ARHGEF3: variants seen among roughly 807,000 people sequenced by gnomAD.
ARHGEF3 encodes the protein 59.8 kDA protein.
A neutral mutation model predicts 63.2 loss-of-function variants in ARHGEF3; 28 were observed. That is an observed-to-expected ratio of 0.44 (90% CI 0.33 to 0.61). ARHGEF3 has a LOEUF of 0.61. ARHGEF3 is among the 20% of genes least tolerant of loss of function. ARHGEF3 has a pLI of 0.03. For synonymous variants in ARHGEF3, 266 were observed against 254.2 expected (o/e 1.05, Z -0.44); for missense variants, 533 against 659.3 (o/e 0.81, Z 2.10).
intron 7 of ARHGEF3, 141 bp from the exon 8 acceptor site, chr3:56,737,496 A>AG (rs1428815439): frequency 2.0e-5 from 7 of 357,490 alleles, no homozygotes; most frequent in South Asian, 1.2e-4. Flanking sequence ...GGGAAAAGAG[A>AG]AAAAAAAAAA....
chr3:57,073,822 A>T, intron 1 of ARHGEF3: 1 of 1,614,208 alleles, frequency 6.2e-7, no homozygotes, highest in African/African-American at 1.3e-5. Flanking sequence ...TCCACCCAAC[A>T]TCCCAACAAA....
At chr3:56,837,125 A>G (rs1316171181) in intron 4 of ARHGEF3, among the ~76,000 whole-genome samples, 2 of 152,234 alleles carry the variant, frequency 1.3e-5, no homozygotes, top group Non-Finnish European at 2.9e-5. Context: ...GAAAGTGAAG[A>G]GTCAGGATCA....
At chr3:56,792,341 G>A (rs2037131752) in intron 1 of ARHGEF3, among the ~76,000 whole-genome samples, 1 of 152,074 alleles carries the variant, frequency 6.6e-6, no homozygotes, top group African/African-American at 2.4e-5. Context: ...TTTGTTCCAG[G>A]AACACTAGGG....
At chr3:56,798,537 GTTTTTTTTTTT>G in intron 1 of ARHGEF3, among the ~76,000 whole-genome samples, 1 of 139,256 alleles carries the variant, frequency 7.2e-6, no homozygotes, top group Non-Finnish European at 1.5e-5. Context: ...TCTTTACTTC[GTTTTTTTTTTT>G]TTTTTTTTTT....
chr3:56,827,141 C>T (rs2038747733), intron 4 of ARHGEF3, among the ~76,000 whole-genome samples: 1 of 152,126 alleles, frequency 6.6e-6, no homozygotes, highest in African/African-American at 2.4e-5. Flanking sequence ...ACTTTAAACA[C>T]TTTTACATGG....
chr3:56,898,627 T>A (rs2041392985), intron 3 of ARHGEF3: 1 of 273,380 alleles, frequency 3.7e-6, no homozygotes, highest in Middle Eastern at 4.3e-4. Flanking sequence ...TCTGGGGTGA[T>A]CCCTGGAAGA....
Position 56,737,294 on chromosome 3 carries a change from C to T in ARHGEF3, c.932G>A (p.Arg311His), listed in dbSNP as rs766185213. The T allele has an allele frequency of 7.4e-6, 12 of 1,613,432 alleles. No individual in the cohort carries two copies. Among genetic ancestry groups the T allele is most frequent in the Admixed American group, 1.7e-5 (1 of 59,988 alleles). ...GTAAAGAAGCCGCTCTTTATAATAG[C>T]GGCATTCAGATTCACCAGTCTTGGT... ...INTKTGESEC[R>H]YYKERLLYLE... The change falls in exon 8 of 10, where the codon CGC (arginine) becomes CAC (histidine). Residue 311 changes from arginine to histidine, a missense_variant. By Grantham distance (29) the Arg-to-His change is conservative. Around this residue, in one of 4 missense-constraint regions of ARHGEF3, gnomAD observed 151 missense variants for 190.7 expected, o/e 0.79. Coordinates refer to ENST00000296315, the MANE Select transcript of ARHGEF3 (RefSeq NM_019555.3).
intron 1 of ARHGEF3, among the ~76,000 whole-genome samples, chr3:57,050,465 C>G (rs1333898297): frequency 2.0e-5 from 3 of 151,758 alleles, no homozygotes; most frequent in African/African-American, 7.3e-5. Flanking sequence ...GCACACAGTA[C>G]AGGGGTAGTG....
chr3:56,920,530 G>A (rs1243323344), intron 3 of ARHGEF3, among the ~76,000 whole-genome samples: 1 of 152,160 alleles, frequency 6.6e-6, no homozygotes, highest in Non-Finnish European at 1.5e-5. Context: ...AAAATATTTA[G>A]ATTTTAGCAG....
intron 3 of ARHGEF3, among the ~76,000 whole-genome samples, chr3:56,932,817 C>A (rs558032554): frequency 6.6e-6 from 1 of 152,198 alleles, no homozygotes; most frequent in Non-Finnish European, 1.5e-5. Context: ...ACTTAAAATG[C>A]TAATTCTGAA....
intron 2 of ARHGEF3, among the ~76,000 whole-genome samples, chr3:56,967,568 A>ATATATATTATACATAATATATTTAAT (rs1560092296): frequency 1.1e-5 from 1 of 91,066 alleles, no homozygotes; most frequent in African/African-American, 4.5e-5. Context: ...ATAATATATA[A>ATATATATTATACATAATATATTTAAT]TATATATTAT....
chr3:56,982,563 C>T (rs1043775410), intron 2 of ARHGEF3, among the ~76,000 whole-genome samples: 11 of 152,134 alleles, frequency 7.2e-5, no homozygotes, highest in African/African-American at 1.7e-4. Context: ...TCAGACCTAC[C>T]CTATGTCTTA....
In ARHGEF3 at chr3:57,056,047, G is replaced by GC. The variant is rs139065960; in HGVS notation, c.-27-20872dup. On this transcript the variant is annotated intron_variant, in intron 1 of 12. Coordinates refer to the ARHGEF3 transcript ENST00000338458. ...AGGCCACAGAATATGAGCAGACATA[G>GC]CCCCTACTGTCACCATGCTCACAGC... Among the ~76,000 whole-genome samples, 1,059 of 152,218 alleles carry GC rather than the reference G, an allele frequency of 7.0e-3. 7 individuals carry two copies. Among genetic ancestry groups the GC allele is most frequent in the African/African-American group, 0.024 (1,001 of 41,526 alleles).
chr3:57,064,796 G>C (rs1025985844), intron 1 of ARHGEF3, among the ~76,000 whole-genome samples: 12 of 152,160 alleles, frequency 7.9e-5, no homozygotes, highest in Non-Finnish European at 1.2e-4. Flanking sequence ...GGGGGGAATG[G>C]GAGTTGCTGT....
At chr3:56,941,874 T>C (rs1401164406) in intron 3 of ARHGEF3, among the ~76,000 whole-genome samples, 1 of 152,246 alleles carries the variant, frequency 6.6e-6, no homozygotes. Flanking sequence ...CCTATAAATA[T>C]ATGCTTTACA....
chr3:56,935,803 A>C (rs1698874233), intron 3 of ARHGEF3, among the ~76,000 whole-genome samples: 1 of 152,214 alleles, frequency 6.6e-6, no homozygotes, highest in Non-Finnish European at 1.5e-5. Context: ...GAAGTCAGTG[A>C]GACCAAGAAC....
rs147377987 is a variant in ARHGEF3 at position 56,755,056 on chromosome 3, A to C, written c.300T>G (p.Asp100Glu). 6.2e-7 allele frequency: 1 copy of C among 1,614,100 alleles called. No individual in the cohort carries two copies. Among genetic ancestry groups the C allele is most frequent in the South Asian group, 1.1e-5 (1 of 91,082 alleles). Residue 100 changes from aspartate to glutamate, a missense_variant, in exon 3 of 10, where the codon GAT (aspartate) becomes GAG (glutamate). Asp to Glu is a conservative substitution (Grantham distance 45). Transcript: ENST00000296315. ...CGAAGGTCTCACTCCACAGCTTGCTATCTCTCCGTTTCGTGCTCGAGGGGG... is the reference window on the plus strand; with the variant it reads ...CGAAGGTCTCACTCCACAGCTTGCTCTCTCTCCGTTTCGTGCTCGAGGGGG... ...NAAPSSTKRR[D>E]SKLWSETFDV...
intron 4 of ARHGEF3, among the ~76,000 whole-genome samples, chr3:56,877,130 T>C (rs1408878613): frequency 6.6e-6 from 1 of 152,124 alleles, no homozygotes; most frequent in African/African-American, 2.4e-5. Flanking sequence ...TCAAACTTTA[T>C]CCAACTGATA....
intron 3 of ARHGEF3, among the ~76,000 whole-genome samples, chr3:56,911,401 C>G (rs1560043096): frequency 6.6e-6 from 1 of 152,122 alleles, no homozygotes; most frequent in Non-Finnish European, 1.5e-5. Context: ...GGTTGGCACA[C>G]AGGAGCTGCT....
Sources: allele counts gnomAD v4.1 joint callset (sites outside exome capture counted in the v4.1 genomes callset), GRCh38; gene constraint gnomAD v4.1.1; regional missense constraint gnomAD v4.1.1; transcripts MANE v1.5; gene names NCBI Gene and HGNC (gene_info 2026-07-23, HGNC 2026-07-21).